Variants in DHX15 observed in about 807,000 individuals in gnomAD.
The protein encoded by DHX15 is ATP-dependent RNA helicase DHX15.
DHX15 carries 11 observed loss-of-function variants against 94.4 expected under a neutral mutation model. The observed-to-expected ratio is 0.12, with a 90% confidence interval of 0.07 to 0.19. The LOEUF is 0.19. Among genes scored for constraint, DHX15 ranks in the 10% least tolerant of loss-of-function variants. DHX15 has a pLI of 1.00. For missense variants in DHX15, 304 were observed against 988.5 expected, an observed-to-expected ratio of 0.31 and a Z score of 9.29; for synonymous variants, 338 against 329.9, an observed-to-expected ratio of 1.02 and a Z score of -0.27.
Position 24,527,919 on chromosome 4 carries a change from T to C in DHX15, c.*5A>G. On this transcript the variant is annotated 3_prime_UTR_variant, in exon 14 of 14. Transcript: ENST00000336812. ...TCTCAATAACTTCAGTTCTAAGCAC[T>C]GAATTCAGTACTGTGAATATTCCTT... The C allele has an allele frequency of 6.3e-7, 1 of 1,598,916 alleles. No homozygotes were observed. The highest frequency in any genetic ancestry group is 8.6e-7 in the Non-Finnish European group (1 of 1,166,398).
At chr4:24,566,758 G>A (rs1384823781) in intron 3 of DHX15, among the ~76,000 whole-genome samples, 1 of 152,140 alleles carries the variant, frequency 6.6e-6, no homozygotes, top group Non-Finnish European at 1.5e-5. Context: ...CCCGGCGGGT[G>A]GAGGTTGCAG....
chr4:24,582,205 A>G (rs1178645088), intron 1 of DHX15, among the ~76,000 whole-genome samples: 1 of 152,244 alleles, frequency 6.6e-6, no homozygotes, highest in Non-Finnish European at 1.5e-5. Context: ...ATGGCACTCA[A>G]ATGACATAGA....
chr4:24,583,162 A>G (rs1478252687), intron 1 of DHX15, among the ~76,000 whole-genome samples: 1 of 152,260 alleles, frequency 6.6e-6, no homozygotes, highest in Non-Finnish European at 1.5e-5. Flanking sequence ...ACAATTATGC[A>G]AAGTATTTGG....
chr4:24,584,465 C>G lies in DHX15; in HGVS notation c.-72G>C. 6.9e-7 allele frequency: 1 copy of G among 1,455,844 alleles called. No homozygotes were observed. The allele number at this position is 1,455,844 out of a possible 1,614,324, so 90.2% of individuals were successfully genotyped here. On this transcript the variant is annotated 5_prime_UTR_variant, in exon 1 of 14. Coordinates refer to ENST00000336812, the MANE Select transcript of DHX15 (RefSeq NM_001358.3). ...CTGTATGGGCACAGTCGAGGACAGCCACTTAACTCTGGAGGACCCCCACCC... is the reference window on the plus strand; with the variant it reads ...CTGTATGGGCACAGTCGAGGACAGCGACTTAACTCTGGAGGACCCCCACCC...
At chr4:24,576,774 A>G in intron 1 of DHX15, 96 bp from the exon 2 acceptor site, 2 of 1,484,432 alleles carry the variant, frequency 1.3e-6, no homozygotes, top group Admixed American at 2.3e-5. Flanking sequence ...CAACGTTCAA[A>G]TGAATAAAAA....
intron 6 of DHX15, among the ~76,000 whole-genome samples, chr4:24,543,593 A>G (rs997530125): frequency 6.6e-6 from 1 of 152,188 alleles, no homozygotes; most frequent in African/African-American, 2.4e-5. Context: ...ACGGGATGAC[A>G]TGTAATACGT....
chr4:24,543,387 T>G (rs1721357355), intron 6 of DHX15, among the ~76,000 whole-genome samples: 1 of 152,150 alleles, frequency 6.6e-6, no homozygotes, highest in Non-Finnish European at 1.5e-5. Flanking sequence ...ATAATTAGTA[T>G]TCAAATTTCC....
intron 3 of DHX15, among the ~76,000 whole-genome samples, chr4:24,567,428 T>C (rs929709816): frequency 2.7e-5 from 4 of 150,320 alleles, no homozygotes; most frequent in Admixed American, 2.0e-4. Context: ...AATACAAAAA[T>C]TAGCTGGGCG....
intron 6 of DHX15, among the ~76,000 whole-genome samples, chr4:24,547,643 G>C (rs1361475330): frequency 6.6e-6 from 1 of 151,886 alleles, no homozygotes; most frequent in East Asian, 1.9e-4. Context: ...ATGATTTCAA[G>C]ACAAATGAAA....
At chr4:24,545,450 A>G (rs186577311) in intron 6 of DHX15, among the ~76,000 whole-genome samples, 99 of 152,334 alleles carry the variant, frequency 6.5e-4, no homozygotes, top group African/African-American at 2.3e-3. Context: ...AGTGTTTAAG[A>G]ATCAAATGAT....
At chr4:24,539,060 TC>T (rs1261142154) in intron 10 of DHX15, 1 of 152,190 alleles carries the variant, frequency 6.6e-6, no homozygotes, top group Non-Finnish European at 1.5e-5. Context: ...TTAAAGTGAC[TC>T]AATACTGCCC....
intron 2 of DHX15, among the ~76,000 whole-genome samples, chr4:24,571,754 A>AT (rs1267319972): frequency 6.6e-6 from 1 of 152,234 alleles, no homozygotes; most frequent in African/African-American, 2.4e-5. Flanking sequence ...AGTAAAACTG[A>AT]TAAGGAATAT....
intron 5 of DHX15, among the ~76,000 whole-genome samples, chr4:24,552,543 T>C (rs908647980): frequency 2.6e-5 from 4 of 152,208 alleles, no homozygotes; most frequent in East Asian, 1.9e-4. Context: ...CTCAATTTCA[T>C]GGAGGCTATT....
At chr4:24,543,647 A>G (rs1007512970) in intron 6 of DHX15, among the ~76,000 whole-genome samples, 2 of 152,194 alleles carry the variant, frequency 1.3e-5, no homozygotes, top group African/African-American at 4.8e-5. Context: ...TTCTTTATTG[A>G]CGGAAAATGT....
At chr4:24,529,931 G>A (rs1721038566) in intron 12 of DHX15, 161 bp from the exon 13 acceptor site, 2 of 706,562 alleles carry the variant, frequency 2.8e-6, no homozygotes, top group Middle Eastern at 3.6e-4. Flanking sequence ...GCAAACTGCT[G>A]CCTGTGGGCC....
chr4:24,551,842 C>T (rs535095799), intron 5 of DHX15, among the ~76,000 whole-genome samples: 1 of 152,262 alleles, frequency 6.6e-6, no homozygotes, highest in South Asian at 2.1e-4. Flanking sequence ...AGATTTCACA[C>T]ATTAAAAATT....
chr4:24,545,147 A>G (rs1422469947), intron 6 of DHX15, among the ~76,000 whole-genome samples: 1 of 152,206 alleles, frequency 6.6e-6, no homozygotes. Flanking sequence ...CTGTAAATAC[A>G]GAAGACGTCT....
chr4:24,575,969 A>G (rs1400542030), intron 2 of DHX15, among the ~76,000 whole-genome samples: 2 of 152,154 alleles, frequency 1.3e-5, no homozygotes, highest in East Asian at 3.9e-4. Flanking sequence ...GTGGGTCCCT[A>G]AATCTGTACT....
intron 3 of DHX15, among the ~76,000 whole-genome samples, chr4:24,566,153 C>A (rs1464565632): frequency 6.6e-6 from 1 of 151,948 alleles, no homozygotes; most frequent in Non-Finnish European, 1.5e-5. Context: ...AAGTGATCCA[C>A]TCACCTCATC....
Sources: allele counts gnomAD v4.1 joint callset (sites outside exome capture counted in the v4.1 genomes callset), GRCh38; gene constraint gnomAD v4.1.1; transcripts MANE v1.5; gene names NCBI Gene and HGNC (gene_info 2026-07-23, HGNC 2026-07-21).